CACNA2D1: variants seen among roughly 807,000 people sequenced by gnomAD.
The protein encoded by CACNA2D1 is voltage-dependent calcium channel subunit alpha-2/delta-1.
A neutral mutation model predicts 171.5 loss-of-function variants in CACNA2D1; 53 were observed. The ratio of observed to expected loss-of-function variants is 0.31; its 90% CI spans 0.25 to 0.39. CACNA2D1 has a LOEUF of 0.39. CACNA2D1 is among the 10% of genes least tolerant of loss of function. CACNA2D1 has a pLI of 1.00. For missense variants in CACNA2D1, 903 were observed against 1,299.8 expected (o/e 0.69, Z 4.69); for synonymous variants, 442 against 443.1 (o/e 1.00, Z 0.03).
At chr7:82,260,623 C>A (rs1472733619) in intron 3 of CACNA2D1, among the ~76,000 whole-genome samples, 2 of 152,158 alleles carry the variant, frequency 1.3e-5, no homozygotes, top group African/African-American at 4.8e-5. Flanking sequence ...ATCCTTTATA[C>A]AAATCATGTG....
At chr7:82,318,675 T>C (rs978897580) in intron 3 of CACNA2D1, among the ~76,000 whole-genome samples, 5 of 152,204 alleles carry the variant, frequency 3.3e-5, no homozygotes, top group East Asian at 3.9e-4. Flanking sequence ...CACTTTTCTA[T>C]ACCACATCTG....
chr7:82,149,412 C>T (rs571302271), intron 4 of CACNA2D1, among the ~76,000 whole-genome samples: 1 of 152,076 alleles, frequency 6.6e-6, no homozygotes, highest in Admixed American at 6.6e-5. Context: ...GACACCAAGG[C>T]ACACAAGCTG....
intron 38 of CACNA2D1, among the ~76,000 whole-genome samples, chr7:81,956,993 C>CTTATTCTAAAATAT (rs1372910373): frequency 2.0e-5 from 3 of 152,012 alleles, no homozygotes; most frequent in Non-Finnish European, 4.4e-5. Flanking sequence ...ACTAGAAGCA[C>CTTATTCTAAAATAT]TTATTCTAAA....
intron 12 of CACNA2D1, among the ~76,000 whole-genome samples, chr7:82,014,945 C>T (rs982767094): frequency 1.3e-5 from 2 of 152,118 alleles, no homozygotes; most frequent in South Asian, 2.1e-4. Context: ...ATCCCAGCTA[C>T]TCGGGAAGCT....
chr7:82,256,489 A>G (rs566858885), intron 3 of CACNA2D1, among the ~76,000 whole-genome samples: 1 of 152,300 alleles, frequency 6.6e-6, no homozygotes, highest in Non-Finnish European at 1.5e-5. Flanking sequence ...AAGTTTGGCC[A>G]TAGAGAAATA....
intron 25 of CACNA2D1, among the ~76,000 whole-genome samples, chr7:81,974,223 A>G (rs1012990534): frequency 6.6e-6 from 1 of 152,112 alleles, no homozygotes. Context: ...ACGTTTAACC[A>G]TTTGAAAGAA....
intron 1 of CACNA2D1, among the ~76,000 whole-genome samples, chr7:82,412,656 T>C (rs1173343789): frequency 6.6e-6 from 1 of 151,910 alleles, no homozygotes; most frequent in Admixed American, 6.6e-5. Context: ...TGTTAGTCTC[T>C]TGGTAACTGC....
At chr7:82,359,882 A>G (rs1161218764) in intron 1 of CACNA2D1, among the ~76,000 whole-genome samples, 3 of 152,216 alleles carry the variant, frequency 2.0e-5, no homozygotes, top group Non-Finnish European at 4.4e-5. Context: ...TTGAGCACCT[A>G]TATGTCAGGA....
chr7:82,277,930 CA>C (rs2129365774), intron 3 of CACNA2D1, among the ~76,000 whole-genome samples: 1 of 151,496 alleles, frequency 6.6e-6, no homozygotes, highest in African/African-American at 2.4e-5. Flanking sequence ...ATTTTTAGTA[CA>C]GAGAGGGTTT....
At chr7:82,342,303 C>T (rs1818769337) in intron 2 of CACNA2D1, among the ~76,000 whole-genome samples, 1 of 152,120 alleles carries the variant, frequency 6.6e-6, no homozygotes, top group South Asian at 2.1e-4. Flanking sequence ...CAAGGTAAAT[C>T]TCAAGAAGAC....
intron 16 of CACNA2D1, among the ~76,000 whole-genome samples, chr7:82,006,472 T>C (rs918444641): frequency 5.9e-5 from 9 of 152,234 alleles, no homozygotes; most frequent in African/African-American, 1.9e-4. Context: ...GACATAAAGA[T>C]GGAAATTGTT....
At chr7:82,038,328 T>G in intron 10 of CACNA2D1, 93 bp from the exon 11 acceptor site, 55 of 1,063,542 alleles carry the variant, frequency 5.2e-5, no homozygotes, top group Non-Finnish European at 6.9e-5. Flanking sequence ...TAAACGGTAT[T>G]GCATTGCTTA....
upstream of CACNA2D1, chr7:82,443,874 TG>T: frequency 1.6e-5 from 3 of 182,224 alleles, no homozygotes; most frequent in Non-Finnish European, 2.9e-5. Flanking sequence ...CGCTGGAGGG[TG>T]GGGGTGGCTG....
chr7:82,062,090 T>C (rs1807004073), intron 9 of CACNA2D1, among the ~76,000 whole-genome samples: 1 of 152,196 alleles, frequency 6.6e-6, no homozygotes, highest in Non-Finnish European at 1.5e-5. Context: ...TGGTAGCCTT[T>C]CATTAGTTTT....
At chr7:82,060,211 A>ATAATATATATAATATTATATATATATT (rs374742133) in intron 10 of CACNA2D1, among the ~76,000 whole-genome samples, 1 of 31,336 alleles carries the variant, frequency 3.2e-5, no homozygotes, top group African/African-American at 1.1e-4. Context: ...TTATATATAT[A>ATAATATATATAATATTATATATATATT]ATATATATAT....
upstream of CACNA2D1, chr7:82,443,878 G>A: frequency 2.5e-6 from 1 of 393,066 alleles, no homozygotes; most frequent in Admixed American, 4.5e-5. Context: ...GGAGGGTGGG[G>A]GTGGCTGCAG....
chr7:82,259,010 G>A (rs1422782730), intron 3 of CACNA2D1, among the ~76,000 whole-genome samples: 1 of 151,758 alleles, frequency 6.6e-6, no homozygotes, highest in East Asian at 1.9e-4. Context: ...TGTATTTTTA[G>A]TAAAGACAAA....
At chr7:82,373,293 C>G (rs1204538019) in intron 1 of CACNA2D1, among the ~76,000 whole-genome samples, 1 of 152,122 alleles carries the variant, frequency 6.6e-6, no homozygotes, top group Non-Finnish European at 1.5e-5. Context: ...ATTGAGGTTA[C>G]TAAAATCAAA....
chr7:81,960,483 T>A (rs957969817), intron 36 of CACNA2D1, among the ~76,000 whole-genome samples: 9 of 152,046 alleles, frequency 5.9e-5, no homozygotes, highest in African/African-American at 1.2e-4. Flanking sequence ...AATCAAGGGT[T>A]TTGAATTCCA....
Sources: allele counts gnomAD v4.1 joint callset (sites outside exome capture counted in the v4.1 genomes callset), GRCh38; gene constraint gnomAD v4.1.1; transcripts MANE v1.5; gene names NCBI Gene and HGNC (gene_info 2026-07-23, HGNC 2026-07-21).